The following JCAD variants were observed in gnomAD, a reference collection of about 807,000 sequenced individuals.
JCAD encodes junctional cadherin 5 associated.
JCAD carries 40 observed loss-of-function variants against 98.0 expected under a neutral mutation model. The ratio of observed to expected loss-of-function variants is 0.41; its 90% confidence interval spans 0.32 to 0.53. The LOEUF (loss-of-function observed/expected upper bound fraction) is 0.53, where lower values mean the gene tolerates loss of function less well. Among genes scored for constraint, JCAD ranks in the 20% least tolerant of loss-of-function variants. The pLI, the probability that JCAD is intolerant of heterozygous loss-of-function variation, is 0.31. For synonymous variants in JCAD, 691 were observed against 682.3 expected, an observed-to-expected ratio of 1.01 and a Z score of -0.20; for missense variants, 1,705 against 1,738.1, an observed-to-expected ratio of 0.98 and a Z score of 0.34.
chr10:30,066,632 G>A (rs953304736), intron 2 of JCAD, among the ~76,000 whole-genome samples: 1 of 152,176 alleles, frequency 6.6e-6, no homozygotes. Flanking sequence ...TGGTCCAGAC[G>A]TGGGCACCCC....
chr10:30,105,785 A>T (rs1410830667), intron 1 of JCAD, among the ~76,000 whole-genome samples: 1 of 152,204 alleles, frequency 6.6e-6, no homozygotes, highest in Non-Finnish European at 1.5e-5. Context: ...CCAATGTGTT[A>T]TTTTTTATCA....
chr10:30,062,240 A>C (rs926146662), upstream of JCAD, among the ~76,000 whole-genome samples: 15 of 152,240 alleles, frequency 9.9e-5, no homozygotes, highest in Non-Finnish European at 2.2e-4. Context: ...TGGAGATTCT[A>C]GAGAAGATGA....
At chr10:30,091,463 C>T (rs927297274) in intron 1 of JCAD, among the ~76,000 whole-genome samples, 4 of 152,090 alleles carry the variant, frequency 2.6e-5, no homozygotes, top group Admixed American at 6.5e-5. Flanking sequence ...CAAAGTCTTA[C>T]TATGTTGGCC....
intron 1 of JCAD, among the ~76,000 whole-genome samples, chr10:30,101,932 C>T (rs959418422): frequency 6.6e-6 from 1 of 152,132 alleles, no homozygotes; most frequent in Non-Finnish European, 1.5e-5. Context: ...AAAGCTTCAA[C>T]CTTCTGACCT....
rs1836915994 is a variant in JCAD, at chr10:30,028,914, G to C, written c.1234C>G (p.Arg412Gly). Reference protein sequence around the residue: ...RLPQGLPAHPRPVTAYDGFVQ... With the variant: ...RLPQGLPAHPGPVTAYDGFVQ... ...AAGCCGTCATAGGCAGTGACAGGTC[G>C]GGGATGTGCGGGGAGCCCCTGAGGC... The change falls in exon 3 of 4, where the codon CGA becomes GGA. Residue 412 changes from arginine (R) to glycine (G), a missense_variant. Arg to Gly is a moderately radical substitution (Grantham distance 125, BLOSUM62 -2). Transcript: ENST00000375377. The C allele has an allele frequency of 2.5e-6, 4 of 1,614,132 alleles. No homozygotes were observed. In the African/African-American group the frequency reaches 5.3e-5, roughly 22 times the overall value.
chr10:30,022,933 C>T (rs1021454527), intron 3 of JCAD, among the ~76,000 whole-genome samples: 11 of 152,162 alleles, frequency 7.2e-5, no homozygotes, highest in Admixed American at 2.6e-4. Context: ...CACTGACTTG[C>T]CCAGAGCAAC....
intron 1 of JCAD, among the ~76,000 whole-genome samples, chr10:30,052,968 A>G (rs1202547955): frequency 6.6e-6 from 1 of 152,248 alleles, no homozygotes; most frequent in Non-Finnish European, 1.5e-5. Flanking sequence ...TAAATCAACC[A>G]GAACTTTTTT....
intron 2 of JCAD, among the ~76,000 whole-genome samples, chr10:30,039,361 C>A (rs1376000389): frequency 6.6e-6 from 1 of 152,222 alleles, no homozygotes; most frequent in African/African-American, 2.4e-5. Flanking sequence ...AGACACTGTT[C>A]CCTCCCACAA....
intron 2 of JCAD, among the ~76,000 whole-genome samples, chr10:30,036,083 C>T (rs570555401): frequency 6.6e-6 from 1 of 152,368 alleles, no homozygotes; most frequent in Admixed American, 6.5e-5. Flanking sequence ...TCTGTTCATT[C>T]ACATGACTCC....
In JCAD at chr10:30,028,944, G is replaced by T. The variant is rs773368532; in HGVS notation, c.1204C>A (p.Arg402Ser). ...GTGNEYGVSP[R>S]LPQGLPAHPR... The stretch of plus-strand genomic sequence containing the variant: ...TGTGCGGGGAGCCCCTGAGGCAAGC[G>T]GGGGCTCACACCATACTCATTCCCA... The change falls in exon 3 of 4, where the codon CGC (arginine) becomes AGC (serine). Residue 402 changes from arginine (R) to serine (S), a missense_variant. This residue lies in a region of JCAD where 1,278 missense variants were observed against 1,243.1 expected (regional missense o/e 1.03). Coordinates refer to ENST00000375377, the MANE Select transcript of JCAD (RefSeq NM_020848.4). 1 of 1,613,872 alleles carries T rather than the reference G, an allele frequency of 6.2e-7. No homozygotes were observed. The highest frequency in any genetic ancestry group is 2.2e-5 in the East Asian group (1 of 44,870).
In JCAD at chr10:30,033,149, G is replaced by A. The variant is rs115868069; in HGVS notation, c.282-3283C>T. ...AGTTACACAGCCTGCAAGGATTTGT[G>A]AAAGAGCTCTAAGCCAAGAAATGTG... On this transcript the variant is annotated intron_variant, in intron 2 of 3. Coordinates refer to ENST00000375377, the MANE Select transcript of JCAD (RefSeq NM_020848.4). 1.5e-3 allele frequency among the ~76,000 whole-genome samples: 232 copies of A among 152,298 alleles called. 3 individuals are homozygous for A. The highest frequency in any genetic ancestry group is 5.4e-3 in the African/African-American group (224 of 41,558).
At position 30,101,631 on chromosome 10, in the gene JCAD, G is replaced by A. The variant is rs926719508; in HGVS notation, n.128+13736C>T. 3.9e-4 allele frequency among the ~76,000 whole-genome samples: 60 copies of A among 152,000 alleles called. 1 individual carries two copies. Among genetic ancestry groups the A allele is most frequent in the Admixed American group, 3.9e-3 (60 of 15,264 alleles). ...GATCCACCTGCCTTGGCCTCCCAAA[G>A]TGCTGGGATTACAGGCCTGAGCCAC... On this transcript the variant is annotated intron_variant and non_coding_transcript_variant, in intron 1 of 2. Transcript: ENST00000465712.
chr10:30,026,382 G>A lies in JCAD; in HGVS notation c.3766C>T (p.Pro1256Ser), dbSNP rs775301244. Residue 1256 changes from proline (P) to serine (S), a missense_variant, in exon 3 of 4, where the codon CCT becomes TCT. Transcript: ENST00000375377. Reference protein sequence around the residue: ...KLASPPRRADPDRLMRMKEVS... With the variant: ...KLASPPRRADSDRLMRMKEVS... ...TCTTTCATTCTCATCAGGCGGTCAGGGTCTGCTCTCCTAGGCGGGGAGGCC... is the reference window on the plus strand; with the variant it reads ...TCTTTCATTCTCATCAGGCGGTCAGAGTCTGCTCTCCTAGGCGGGGAGGCC... The A allele has an allele frequency of 2.1e-5, 34 of 1,614,062 alleles. No homozygotes were observed. The highest frequency in any genetic ancestry group is 2.6e-5 in the Non-Finnish European group (31 of 1,180,046).
chr10:30,080,434 T>C (rs1439842960), intron 1 of JCAD, among the ~76,000 whole-genome samples: 1 of 152,218 alleles, frequency 6.6e-6, no homozygotes, highest in Non-Finnish European at 1.5e-5. Context: ...AATATATTCC[T>C]GCAATTTTGG....
chr10:30,020,598 T>C (rs1371101845), intron 3 of JCAD, among the ~76,000 whole-genome samples: 1 of 152,170 alleles, frequency 6.6e-6, no homozygotes, highest in African/African-American at 2.4e-5. Context: ...GGAAAAGAAG[T>C]TTGCTCAAAC....
chr10:30,070,250 A>G (rs1837861336), intron 1 of JCAD, among the ~76,000 whole-genome samples: 1 of 152,228 alleles, frequency 6.6e-6, no homozygotes, highest in South Asian at 2.1e-4. Flanking sequence ...TCTAGCTGGA[A>G]CAATTGGTCA....
intron 1 of JCAD, among the ~76,000 whole-genome samples, chr10:30,095,512 C>T (rs1021224122): frequency 3.9e-5 from 6 of 152,242 alleles, no homozygotes; most frequent in Non-Finnish European, 7.3e-5. Context: ...CATTGCTGAG[C>T]TTGCCTCCCC....
At chr10:30,052,846 C>T (rs143734913) in intron 1 of JCAD, among the ~76,000 whole-genome samples, 1 of 152,284 alleles carries the variant, frequency 6.6e-6, no homozygotes, top group Non-Finnish European at 1.5e-5. Flanking sequence ...TGCCATTTAA[C>T]AGGTACCATC....
chr10:30,109,933 C>A (rs1350900173), intron 1 of JCAD, among the ~76,000 whole-genome samples: 2 of 151,798 alleles, frequency 1.3e-5, no homozygotes, highest in South Asian at 4.2e-4. Flanking sequence ...GATATGTAGA[C>A]CCCCCTGTGT....
Sources: allele counts gnomAD v4.1 joint callset (sites outside exome capture counted in the v4.1 genomes callset), GRCh38; gene constraint gnomAD v4.1.1; regional missense constraint gnomAD v4.1.1; transcripts MANE v1.5; gene names NCBI Gene and HGNC (gene_info 2026-07-23, HGNC 2026-07-21).